The following FAAP20 variants were observed in gnomAD, a reference collection of about 807,000 sequenced individuals.
FAAP20 encodes the protein Fanconi anemia core complex-associated protein 20.
Under a neutral mutation model 16.2 loss-of-function variants are expected in FAAP20, and 12 were observed. The ratio of observed to expected loss-of-function variants is 0.74; its 90% CI spans 0.48 to 1.20. The LOEUF (loss-of-function observed/expected upper bound fraction) is 1.20, where lower values mean the gene tolerates loss of function less well. Among genes scored for constraint, FAAP20 ranks in the 50% most tolerant of loss-of-function variants. FAAP20 has a pLI of 0.00. For synonymous variants in FAAP20, 141 were observed against 110.7 expected, an observed-to-expected ratio of 1.27 and a Z score of -1.72; for missense variants, 288 against 245.8, an observed-to-expected ratio of 1.17 and a Z score of -1.15.
chr1:2,203,720 G>A (rs1025407550), upstream of FAAP20: 3 of 900,756 alleles, frequency 3.3e-6, no homozygotes, highest in African/African-American at 3.6e-5. Context: ...GAGCGGTCCT[G>A]GAGCCTGGCC....
chr1:2,197,943 G>A, upstream of FAAP20: 1 of 1,255,670 alleles, frequency 8.0e-7, no homozygotes, highest in Non-Finnish European at 1.0e-6. Context: ...CCGAGGGCCT[G>A]GAAGGGGACC....
upstream of FAAP20, chr1:2,200,523 A>C: frequency 7.7e-6 from 5 of 648,438 alleles, no homozygotes; most frequent in Non-Finnish European, 9.6e-6. Flanking sequence ...GGCAGGCAGC[A>C]GCCACCCAGA....
chr1:2,193,833 C>G lies in FAAP20; in HGVS notation c.276G>C (p.Pro92=). The G allele has an allele frequency of 6.2e-7, 1 of 1,611,522 alleles. No homozygotes were observed. Among genetic ancestry groups the G allele is most frequent in the South Asian group, 1.1e-5 (1 of 91,028 alleles). ...AGGAACGGCCCGGGCCCCACAGGTC[C>G]GGCGGAAAGGGTGTCCAGGAAAAGG... The part of the protein sequence containing the change: ...PKTFSWTPFP[P]DLWGPGRSYR... The change falls in exon 3 of 4, where the codon CCG becomes CCC. Residue 92 remains proline, a synonymous_variant. Transcript: ENST00000378546.
At chr1:2,207,977 C>T (rs1017511711), downstream of FAAP20, among the ~76,000 whole-genome samples, 1 of 151,778 alleles carries the variant, frequency 6.6e-6, no homozygotes, top group Non-Finnish European at 1.5e-5. Flanking sequence ...CGCATGCGTG[C>T]AGGCATGTGA....
downstream of FAAP20, chr1:2,184,869 C>A: frequency 6.6e-7 from 1 of 1,513,404 alleles, no homozygotes; most frequent in Non-Finnish European, 9.1e-7. Context: ...CCGCTTCCCC[C>A]AAGGGAATGA....
chr1:2,209,356 A>G (rs1249438138), downstream of FAAP20, among the ~76,000 whole-genome samples: 2 of 152,204 alleles, frequency 1.3e-5, no homozygotes, highest in South Asian at 2.1e-4. Context: ...TTTTAAGAAC[A>G]TGGACCCCCA....
At chr1:2,198,864 C>T (rs1688928671), upstream of FAAP20, 1 of 1,289,804 alleles carries the variant, frequency 7.8e-7, no homozygotes, top group Non-Finnish European at 1.0e-6. Flanking sequence ...CACGCCCACC[C>T]ATAGCCAGAT....
intron 3 of FAAP20, chr1:2,190,612 G>A (rs1484811209): frequency 2.8e-6 from 1 of 354,554 alleles, no homozygotes; most frequent in Non-Finnish European, 5.7e-6. Context: ...GAGTGCCGGA[G>A]CTGGCGTGCT....
At chr1:2,208,620 G>A (rs193158507), downstream of FAAP20, among the ~76,000 whole-genome samples, 12 of 152,308 alleles carry the variant, frequency 7.9e-5, no homozygotes, top group East Asian at 2.3e-3. Flanking sequence ...CTGGGTCCCT[G>A]CAGCCTCTTG....
chr1:2,194,198 C>T (rs947391868), intron 1 of FAAP20, 65 bp from the exon 2 acceptor site: 3 of 1,584,918 alleles, frequency 1.9e-6, no homozygotes, highest in Admixed American at 3.5e-5. Flanking sequence ...TGGGGAGACC[C>T]GGGAGGGCCT....
intron 3 of FAAP20, 95 bp from the exon 4 acceptor site, chr1:2,189,876 G>A (rs1687981936): frequency 4.1e-6 from 4 of 972,604 alleles, no homozygotes; most frequent in East Asian, 5.0e-5. Flanking sequence ...TGCTCCTGCC[G>A]CTGGAGAGGA....
intron 3 of FAAP20, chr1:2,193,303 G>A (rs1688458460): frequency 1.0e-5 from 5 of 494,478 alleles, no homozygotes; most frequent in Middle Eastern, 5.4e-4. Flanking sequence ...ACGCACTCTC[G>A]GGAAGGTGTT....
downstream of FAAP20, among the ~76,000 whole-genome samples, chr1:2,188,231 G>A (rs919177872): frequency 1.3e-5 from 2 of 152,198 alleles, no homozygotes; most frequent in African/African-American, 2.4e-5. Context: ...CCCTGAAGAC[G>A]CTGCTTTCTG....
At chr1:2,206,449 T>C (rs1283336141) in intron 2 of FAAP20, 1 of 152,222 alleles carries the variant, frequency 6.6e-6, no homozygotes, top group African/African-American at 2.4e-5. Flanking sequence ...ACGAAACTGT[T>C]TAACTCCAGT....
At chr1:2,190,205 G>C in intron 3 of FAAP20, 2 of 463,980 alleles carry the variant, frequency 4.3e-6, no homozygotes, top group Non-Finnish European at 8.6e-6. Flanking sequence ...AAACATGGCT[G>C]GGCAGTGGAT....
At chr1:2,201,093 G>A, upstream of FAAP20, 1 of 1,288,948 alleles carries the variant, frequency 7.8e-7, no homozygotes, top group South Asian at 1.2e-5. Context: ...ACTGTGCTTG[G>A]TGCATCCCCT....
intron 3 of FAAP20, chr1:2,190,479 C>G: frequency 2.2e-6 from 1 of 445,092 alleles, no homozygotes; most frequent in South Asian, 1.6e-5. Flanking sequence ...CAGCCACCTT[C>G]TATCCCCGGC....
intron 3 of FAAP20, chr1:2,190,092 G>C (rs556318003): frequency 1.8e-6 from 1 of 558,374 alleles, no homozygotes; most frequent in African/African-American, 1.9e-5. Context: ...CGCGCTCATC[G>C]TGGAGCCCGG....
upstream of FAAP20, chr1:2,200,618 T>C: frequency 1.0e-6 from 1 of 984,776 alleles, no homozygotes; most frequent in South Asian, 4.7e-5. Flanking sequence ...TCACTCGTTT[T>C]AGGCTCCCAG....
Sources: gnomAD v4.1 joint callset for allele counts (sites outside exome capture counted in the v4.1 genomes callset) on GRCh38, gnomAD v4.1.1 for gene constraint, MANE v1.5 for transcripts, NCBI Gene and HGNC (gene_info 2026-07-23, HGNC 2026-07-21) for gene names.